Variants in INSC observed in about 807,000 individuals in gnomAD.
INSC encodes protein inscuteable homolog.
Under a neutral mutation model 58.6 loss-of-function variants are expected in INSC, and 67 were observed. The observed-to-expected ratio is 1.14, with a 90% CI of 0.94 to 1.40. INSC has a LOEUF of 1.40. Among genes scored for constraint, INSC ranks in the 40% most tolerant of loss-of-function variants. The pLI is 0.00. For missense variants in INSC, 714 were observed against 692.0 expected (o/e 1.03, Z -0.36); for synonymous variants, 262 against 276.1 (o/e 0.95, Z 0.51).
chr11:15,222,881 CAA>C (rs1330545471), intron 8 of INSC, among the ~76,000 whole-genome samples: 2 of 152,156 alleles, frequency 1.3e-5, no homozygotes, highest in African/African-American at 4.8e-5. Context: ...CGAGGGAGCT[CAA>C]GAGACCCTAC....
chr11:15,141,130 C>T (rs997681485), intron 1 of INSC, among the ~76,000 whole-genome samples: 1 of 152,096 alleles, frequency 6.6e-6, no homozygotes, highest in African/African-American at 2.4e-5. Context: ...CTCTAAGGCC[C>T]CCCTACTAGT....
chr11:15,129,637 G>A (rs769516586), intron 1 of INSC, among the ~76,000 whole-genome samples: 2 of 152,074 alleles, frequency 1.3e-5, no homozygotes, highest in Non-Finnish European at 2.9e-5. Context: ...ACATATTTTT[G>A]TTGCTTTGTT....
At chr11:15,257,555 C>A in the INSC span, among the ~76,000 whole-genome samples, 1 of 151,722 alleles carries the variant, frequency 6.6e-6, no homozygotes, top group South Asian at 2.1e-4. Context: ...TCCTAACCAC[C>A]CCCCCGCCTC....
At chr11:15,193,925 A>G (rs1168827155) in intron 6 of INSC, among the ~76,000 whole-genome samples, 2 of 143,784 alleles carry the variant, frequency 1.4e-5, no homozygotes, top group Non-Finnish European at 3.0e-5. Context: ...CCTACATGAG[A>G]AACTGATGCC....
chr11:15,230,511 C>G (rs2133958112), intron 9 of INSC, among the ~76,000 whole-genome samples: 1 of 152,284 alleles, frequency 6.6e-6, no homozygotes, highest in East Asian at 1.9e-4. Context: ...ATCCAATCAC[C>G]TCCCACCAGG....
rs1235554917 is a variant in INSC at position 15,235,684 on chromosome 11, A to G, written c.1237+16A>G. On this transcript the variant is annotated intron_variant, in intron 10 of 12. Transcript: ENST00000379556. ...CAGGAAAATGGTATGTCTTTGCAGC[A>G]TTGTACATGTTATGTGGATTATCTG... is the stretch of plus-strand genomic sequence containing the variant. 5.6e-6 allele frequency: 9 copies of G among 1,600,794 alleles called. No homozygotes were observed. Among genetic ancestry groups the G allele is most frequent in the Non-Finnish European group, 7.7e-6 (9 of 1,168,022 alleles).
At chr11:15,261,336 G>C in the INSC span, among the ~76,000 whole-genome samples, 10 of 152,242 alleles carry the variant, frequency 6.6e-5, no homozygotes, top group African/African-American at 2.4e-4. Context: ...GCCTTTGCTA[G>C]TTTATAACAC....
intron 9 of INSC, among the ~76,000 whole-genome samples, chr11:15,231,470 C>T (rs551397932): frequency 6.6e-6 from 1 of 152,208 alleles, no homozygotes; most frequent in African/African-American, 2.4e-5. Flanking sequence ...GGGCCACATT[C>T]AAAGCTGTCC....
chr11:15,141,653 T>C (rs529953296), intron 1 of INSC, among the ~76,000 whole-genome samples: 1 of 152,126 alleles, frequency 6.6e-6, no homozygotes, highest in Non-Finnish European at 1.5e-5. Flanking sequence ...TGTTAAAGTA[T>C]CTGATTGCTG....
At chr11:15,200,693 TGG>T in intron 6 of INSC, 129 bp from the exon 7 acceptor site, 1 of 1,094,946 alleles carries the variant, frequency 9.1e-7, no homozygotes, top group Non-Finnish European at 1.3e-6. Flanking sequence ...TAAGTGTGTG[TGG>T]GGCGGGGGTT....
At chr11:15,263,921 T>A in the INSC span, among the ~76,000 whole-genome samples, 1 of 150,778 alleles carries the variant, frequency 6.6e-6, no homozygotes, top group Admixed American at 6.6e-5. Flanking sequence ...GAGCCAGCAA[T>A]AGAACCTCAA....
chr11:15,245,859 G>A (rs544254151), intron 12 of INSC, 53 bp from the exon 13 acceptor site: 127 of 1,584,708 alleles, frequency 8.0e-5, no homozygotes, highest in Non-Finnish European at 1.0e-4. Context: ...GGAAATACAT[G>A]TACCTGACAT....
the INSC span, among the ~76,000 whole-genome samples, chr11:15,252,632 C>T: frequency 1.3e-5 from 2 of 152,102 alleles, no homozygotes; most frequent in African/African-American, 2.4e-5. Flanking sequence ...AGAATCTATC[C>T]TTTTTATGCG....
rs200882706 is a variant in INSC at position 15,190,787 on chromosome 11, G to T, written c.666G>T (p.Gly222=). 2.5e-6 allele frequency: 4 copies of T among 1,613,768 alleles called. No homozygotes were observed. The East Asian group carries it at 8.9e-5, about 36-fold the overall frequency. Residue 222 remains glycine, a synonymous_variant, in exon 6 of 13, where the codon GGG becomes GGT. Coordinates refer to ENST00000379556, the MANE Select transcript of INSC (RefSeq NM_001042536.3). ...TGNLFSLTQE[G]APLCRIIAKE... ...ACCTGTTCAGCCTGACCCAGGAGGGGGCTCCCTTGTGCCGCATCATAGCCA... is the reference window on the plus strand; with the variant it reads ...ACCTGTTCAGCCTGACCCAGGAGGGTGCTCCCTTGTGCCGCATCATAGCCA...
intron 2 of INSC, among the ~76,000 whole-genome samples, chr11:15,152,161 T>G (rs1412518260): frequency 6.6e-6 from 1 of 152,122 alleles, no homozygotes; most frequent in Non-Finnish European, 1.5e-5. Flanking sequence ...GAGTTCAGAG[T>G]GGTTTTTAGT....
chr11:15,217,103 A>G lies in INSC; in HGVS notation c.820-4374A>G, dbSNP rs146763102. Among the ~76,000 whole-genome samples, 145 of 152,328 alleles carry G rather than the reference A, an allele frequency of 9.5e-4. 2 individuals are homozygous for G. Among genetic ancestry groups the G allele is most frequent in the African/African-American group, 3.4e-3 (141 of 41,578 alleles). ...GGACATATCCAAGACTGGGTAATTT[A>G]TAAAGGAAAGAGGTTTAATTGGCTC... On this transcript the variant is annotated intron_variant, in intron 7 of 12. Coordinates refer to ENST00000379556, the MANE Select transcript of INSC (RefSeq NM_001042536.3).
At chr11:15,229,517 T>A (rs192861903) in intron 9 of INSC, among the ~76,000 whole-genome samples, 18 of 152,258 alleles carry the variant, frequency 1.2e-4, no homozygotes, top group African/African-American at 4.3e-4. Flanking sequence ...AATCACTTAA[T>A]CTCTGAGCCA....
intron 1 of INSC, among the ~76,000 whole-genome samples, chr11:15,128,022 T>A (rs1445777623): frequency 6.6e-6 from 1 of 151,978 alleles, no homozygotes; most frequent in African/African-American, 2.4e-5. Context: ...AGAAAGAACT[T>A]GAGTTCTAAT....
At chr11:15,213,076 G>A (rs1368416603) in intron 7 of INSC, among the ~76,000 whole-genome samples, 1 of 152,114 alleles carries the variant, frequency 6.6e-6, no homozygotes, top group Non-Finnish European at 1.5e-5. Flanking sequence ...CAACTTCCTT[G>A]TATTACAGAT....
Sources: allele counts gnomAD v4.1 joint callset (sites outside exome capture counted in the v4.1 genomes callset), GRCh38; gene constraint gnomAD v4.1.1; transcripts MANE v1.5; gene names NCBI Gene and HGNC (gene_info 2026-07-23, HGNC 2026-07-21).